The following ARHGAP12 variants were observed in gnomAD, a reference collection of about 807,000 sequenced individuals.
The protein encoded by ARHGAP12 is Rho GTPase activating protein 12, also known as rho GTPase-activating protein 12.
A neutral mutation model predicts 108.6 loss-of-function variants in ARHGAP12; 64 were observed. The observed-to-expected ratio is 0.59, with a 90% CI of 0.48 to 0.73. ARHGAP12 has a LOEUF of 0.73. ARHGAP12 is among the 30% of genes least tolerant of loss of function. The pLI is 0.00. For missense variants in ARHGAP12, 940 were observed against 1,005.9 expected, an observed-to-expected ratio of 0.93 and a Z score of 0.89; for synonymous variants, 312 against 337.2, an observed-to-expected ratio of 0.93 and a Z score of 0.82.
chr10:31,870,283 G>T, intron 3 of ARHGAP12, among the ~76,000 whole-genome samples: 1 of 148,032 alleles, frequency 6.8e-6, no homozygotes, highest in Admixed American at 6.8e-5. Context: ...AGGCTGGAGT[G>T]CAATGGTGCC....
At chr10:31,919,841 A>G (rs11008690) in intron 1 of ARHGAP12, among the ~76,000 whole-genome samples, 69,559 of 150,718 alleles carry the variant, frequency 0.46, 16,248 homozygotes, top group Admixed American at 0.51. Flanking sequence ...AATATTGGCC[A>G]GGCACGGTGG....
At chr10:31,881,060 T>A (rs996223662) in intron 3 of ARHGAP12, among the ~76,000 whole-genome samples, 4 of 150,590 alleles carry the variant, frequency 2.7e-5, no homozygotes, top group South Asian at 4.2e-4. Flanking sequence ...TCCATCTCTA[T>A]CCCCCTCAGG....
chr10:31,855,215 C>T (rs1836845418), intron 4 of ARHGAP12, among the ~76,000 whole-genome samples: 2 of 151,690 alleles, frequency 1.3e-5, no homozygotes, highest in Admixed American at 6.6e-5. Context: ...ATGAGGGAAG[C>T]GAATTAGAAG....
At chr10:31,854,275 T>C in intron 4 of ARHGAP12, 69 bp from the exon 5 acceptor site, 5 of 1,369,804 alleles carry the variant, frequency 3.7e-6, no homozygotes, top group African/African-American at 1.5e-5. Context: ...GAAAATCTAA[T>C]AAATAAATTT....
intron 3 of ARHGAP12, among the ~76,000 whole-genome samples, chr10:31,882,816 A>T (rs1838026965): frequency 1.3e-5 from 1 of 77,662 alleles, no homozygotes; most frequent in South Asian, 4.4e-4. Flanking sequence ...CTGTCTCTTA[A>T]AAAGAAAAAA....
chr10:31,883,608 C>T (rs1015563369), intron 3 of ARHGAP12, among the ~76,000 whole-genome samples: 1 of 152,160 alleles, frequency 6.6e-6, no homozygotes, highest in East Asian at 1.9e-4. Flanking sequence ...ACATAAGTCT[C>T]ACTTCTTGTC....
chr10:31,927,791 A>T, intron 1 of ARHGAP12, among the ~76,000 whole-genome samples: 1 of 152,206 alleles, frequency 6.6e-6, no homozygotes, highest in East Asian at 1.9e-4. Flanking sequence ...TTCTCTAACG[A>T]AGACCGTGTG....
At position 31,893,228 on chromosome 10, in the gene ARHGAP12, G is replaced by A. The variant is rs538062482; in HGVS notation, c.684+14944C>T. On this transcript the variant is annotated intron_variant, in intron 3 of 19. Coordinates refer to ENST00000344936, the MANE Select transcript of ARHGAP12 (RefSeq NM_018287.7). ...GAGCAAACACATTCAAAAGCTTGCA[G>A]AAGGCAAGAAATGACTAAGATCAGA... Among the ~76,000 whole-genome samples the A allele has an allele frequency of 3.3e-5, 5 of 152,302 alleles. No homozygotes were observed. The South Asian group carries it at 1.0e-3, about 32-fold the overall frequency.
rs930998262 is a variant in ARHGAP12, at chr10:31,823,222, GAACA to G, written c.1531-2738_1531-2735del. Among the ~76,000 whole-genome samples the G allele has an allele frequency of 4.6e-5, 7 of 152,016 alleles. No homozygotes were observed. The South Asian group carries it at 1.5e-3, about 32-fold the overall frequency. On this transcript the variant is annotated intron_variant, in intron 11 of 19. Transcript: ENST00000344936. The stretch of plus-strand genomic sequence containing the variant: ...AACACAGCAGGCTTTTAGGTCTGTT[GAACA>G]AACAAACAAACATACAAACATACAT...
chr10:31,872,841 T>C (rs560263619), intron 3 of ARHGAP12, among the ~76,000 whole-genome samples: 4 of 152,324 alleles, frequency 2.6e-5, no homozygotes, highest in African/African-American at 9.6e-5. Context: ...CCCTATATTA[T>C]TTGTTCCAAA....
At chr10:31,859,179 G>A (rs1040614159) in intron 4 of ARHGAP12, among the ~76,000 whole-genome samples, 1 of 152,176 alleles carries the variant, frequency 6.6e-6, no homozygotes, top group African/African-American at 2.4e-5. Flanking sequence ...TGGGTACCAA[G>A]AGAAAGAAGG....
At chr10:31,847,629 CTCTGCT>C (rs1371358450) in intron 6 of ARHGAP12, among the ~76,000 whole-genome samples, 2 of 152,124 alleles carry the variant, frequency 1.3e-5, no homozygotes, top group African/African-American at 2.4e-5. Flanking sequence ...TCTTCCCACA[CTCTGCT>C]TGGGATAGGG....
chr10:31,926,276 A>G (rs1564441152), intron 1 of ARHGAP12, among the ~76,000 whole-genome samples: 1 of 151,272 alleles, frequency 6.6e-6, no homozygotes, highest in African/African-American at 2.4e-5. Context: ...TGAAAGTAAT[A>G]GGGAAATGGC....
At chr10:31,856,348 G>C (rs1413488017) in intron 4 of ARHGAP12, among the ~76,000 whole-genome samples, 1 of 152,112 alleles carries the variant, frequency 6.6e-6, no homozygotes, top group Admixed American at 6.5e-5. Flanking sequence ...CCACGCAGGA[G>C]TGTTAGAGAA....
chr10:31,903,735 A>T (rs1242145011), intron 3 of ARHGAP12, among the ~76,000 whole-genome samples: 2 of 139,264 alleles, frequency 1.4e-5, no homozygotes, highest in African/African-American at 5.8e-5. Context: ...TAAACTATGT[A>T]AAAAAAAAAA....
intron 1 of ARHGAP12, among the ~76,000 whole-genome samples, chr10:31,928,054 C>A (rs1485237997): frequency 6.6e-6 from 1 of 152,204 alleles, no homozygotes; most frequent in East Asian, 1.9e-4. Context: ...GTCAACAGTC[C>A]TCGAGGGACG....
intron 1 of ARHGAP12, among the ~76,000 whole-genome samples, chr10:31,916,109 T>C (rs1839545204): frequency 6.6e-6 from 1 of 152,192 alleles, no homozygotes; most frequent in Admixed American, 6.5e-5. Flanking sequence ...ACAATACTCC[T>C]GGAACTGAAA....
At chr10:31,864,350 A>G (rs1837242917) in intron 3 of ARHGAP12, among the ~76,000 whole-genome samples, 1 of 152,208 alleles carries the variant, frequency 6.6e-6, no homozygotes, top group Non-Finnish European at 1.5e-5. Flanking sequence ...GCCTTAAAAG[A>G]AATGTATAAA....
chr10:31,898,980 C>T (rs971370499), intron 3 of ARHGAP12, among the ~76,000 whole-genome samples: 1 of 152,084 alleles, frequency 6.6e-6, no homozygotes, highest in Non-Finnish European at 1.5e-5. Context: ...AATATTATTC[C>T]ACCACAAAAA....
Sources: gnomAD v4.1 joint callset for allele counts (sites outside exome capture counted in the v4.1 genomes callset) on GRCh38, gnomAD v4.1.1 for gene constraint, MANE v1.5 for transcripts, NCBI Gene and HGNC (gene_info 2026-07-23, HGNC 2026-07-21) for gene names.